The following NCAM2 variants were observed in gnomAD, a reference collection of about 807,000 sequenced individuals.
NCAM2 encodes the protein neural cell adhesion molecule 2.
NCAM2 carries 30 observed loss-of-function variants against 98.1 expected under a neutral mutation model. The observed-to-expected ratio is 0.31, with a 90% CI of 0.23 to 0.41. NCAM2 has a LOEUF of 0.41. Among genes scored for constraint, NCAM2 ranks in the 10% least tolerant of loss-of-function variants. NCAM2 has a pLI of 1.00. For missense variants in NCAM2, 867 were observed against 1,005.8 expected, an observed-to-expected ratio of 0.86 and a Z score of 1.87; for synonymous variants, 368 against 342.4, an observed-to-expected ratio of 1.07 and a Z score of -0.83.
intron 12 of NCAM2, among the ~76,000 whole-genome samples, chr21:21,457,207 G>A (rs972145633): frequency 2.0e-5 from 3 of 152,114 alleles, no homozygotes; most frequent in Admixed American, 1.3e-4. Context: ...TACATAGAAA[G>A]TCTCAGTATT....
At chr21:21,393,724 G>C (rs956666607) in intron 9 of NCAM2, among the ~76,000 whole-genome samples, 4 of 151,924 alleles carry the variant, frequency 2.6e-5, no homozygotes, top group African/African-American at 2.4e-5. Flanking sequence ...TTATGAAAGA[G>C]GTTCATTTAA....
chr21:21,192,801 T>C (rs2146971715), intron 1 of NCAM2, among the ~76,000 whole-genome samples: 1 of 152,280 alleles, frequency 6.6e-6, no homozygotes, highest in East Asian at 1.9e-4. Flanking sequence ...ACCTGCAAGT[T>C]GAGGTCAGCC....
In NCAM2 at chr21:21,224,322, C is replaced by T. The variant is rs142217326; in HGVS notation, c.56-56256C>T. 1.8e-3 allele frequency among the ~76,000 whole-genome samples: 275 copies of T among 152,212 alleles called. 2 individuals are homozygous for T. The highest frequency in any genetic ancestry group is 6.0e-3 in the African/African-American group (250 of 41,542). ...TCTGCTTCAGATGTTACTGTATTTC[C>T]ACTATGCTTAAGATGTTTTTGTTTT... On this transcript the variant is annotated intron_variant, in intron 1 of 17. Transcript: ENST00000400546.
intron 1 of NCAM2, among the ~76,000 whole-genome samples, chr21:21,202,175 C>T (rs2069249985): frequency 6.6e-6 from 1 of 152,244 alleles, no homozygotes; most frequent in East Asian, 1.9e-4. Context: ...TGTTCCTCCA[C>T]TTCCCAGTTT....
chr21:21,456,952 CTT>C (rs1982235869), intron 12 of NCAM2, among the ~76,000 whole-genome samples: 1 of 152,152 alleles, frequency 6.6e-6, no homozygotes, highest in African/African-American at 2.4e-5. Context: ...AGAAATTTCT[CTT>C]GTTTATAAGC....
At chr21:21,239,016 AT>A (rs1182761732) in intron 1 of NCAM2, among the ~76,000 whole-genome samples, 1 of 152,108 alleles carries the variant, frequency 6.6e-6, no homozygotes, top group Non-Finnish European at 1.5e-5. Flanking sequence ...AGATAAGAAT[AT>A]TTCAAAACGT....
chr21:21,054,150 C>T (rs926604709), intron 1 of NCAM2, among the ~76,000 whole-genome samples: 2 of 151,738 alleles, frequency 1.3e-5, no homozygotes, highest in African/African-American at 4.8e-5. Context: ...TTGTGCCTAC[C>T]CAGTCAACAG....
chr21:21,445,021 T>G (rs1979891077), intron 12 of NCAM2, among the ~76,000 whole-genome samples: 1 of 152,174 alleles, frequency 6.6e-6, no homozygotes, highest in Non-Finnish European at 1.5e-5. Context: ...CTAGAGATTC[T>G]GGTACTTCAT....
intron 14 of NCAM2, among the ~76,000 whole-genome samples, chr21:21,470,544 C>T (rs1224487318): frequency 6.6e-6 from 1 of 152,000 alleles, no homozygotes; most frequent in Non-Finnish European, 1.5e-5. Flanking sequence ...AATTTTGTCT[C>T]CAGTAAAGTT....
At chr21:21,523,932 C>T (rs233800) in intron 16 of NCAM2, among the ~76,000 whole-genome samples, 101,686 of 151,500 alleles carry the variant, frequency 0.67, 35,184 homozygotes, top group East Asian at 0.91. Context: ...TATATTAATC[C>T]ATTGTATCAG....
rs80174758 is a variant in NCAM2, at chr21:21,164,223, A to G, written c.56-116355A>G. Among the ~76,000 whole-genome samples, 50 of 152,290 alleles carry G rather than the reference A, an allele frequency of 3.3e-4. No homozygotes were observed. The East Asian group carries it at 8.5e-3, about 26-fold the overall frequency. On this transcript the variant is annotated intron_variant, in intron 1 of 17. Transcript: ENST00000400546. ...ACAGAATTGAAATATTTGCACTCCA[A>G]TTGTCTTGCTATGATGGAATTTTCT...
At chr21:21,496,626 A>C (rs7275250) in intron 15 of NCAM2, among the ~76,000 whole-genome samples, 35,516 of 151,900 alleles carry the variant, frequency 0.23, 4,213 homozygotes, top group South Asian at 0.31. Flanking sequence ...ATTAGGTCCC[A>C]CTTGTCTATT....
chr21:21,417,823 G>T (rs767440959), intron 10 of NCAM2, among the ~76,000 whole-genome samples: 6 of 152,002 alleles, frequency 3.9e-5, no homozygotes, highest in Non-Finnish European at 8.8e-5. Flanking sequence ...GCGAGAAAAA[G>T]TGCCTGTCTA....
At chr21:21,494,219 T>G (rs1032301715) in intron 15 of NCAM2, among the ~76,000 whole-genome samples, 1 of 151,902 alleles carries the variant, frequency 6.6e-6, no homozygotes, top group Non-Finnish European at 1.5e-5. Context: ...ATTAAACAGT[T>G]TGGACTTTCG....
intron 9 of NCAM2, chr21:21,385,820 G>T (rs960318591): frequency 2.7e-5 from 5 of 187,692 alleles, no homozygotes; most frequent in Non-Finnish European, 5.0e-5. Context: ...TCATTACATA[G>T]TAACTATTAA....
intron 8 of NCAM2, among the ~76,000 whole-genome samples, chr21:21,359,760 C>T (rs73322776): frequency 0.024 from 3,646 of 151,730 alleles, 146 homozygotes; most frequent in African/African-American, 0.084. Flanking sequence ...ATGAAGTAGT[C>T]GACTACTACA....
Position 21,537,831 on chromosome 21 carries a change from T to C in NCAM2, c.2403-15T>C. On this transcript the variant is annotated splice_polypyrimidine_tract_variant and intron_variant, in intron 17 of 17. Coordinates refer to ENST00000400546, the MANE Select transcript of NCAM2 (RefSeq NM_004540.5). ...ATACCTCAGAAAATGAAGCTTATTATTTTTTATCTTCCAGAAAATTGCCTT... is the reference window on the plus strand; with the variant it reads ...ATACCTCAGAAAATGAAGCTTATTACTTTTTATCTTCCAGAAAATTGCCTT... The C allele has an allele frequency of 7.3e-7, 1 of 1,366,632 alleles. No individual in the cohort carries two copies. The highest frequency in any genetic ancestry group is 1.0e-6 in the Non-Finnish European group (1 of 980,288). The allele number at this position is 1,366,632 out of a possible 1,614,324, so 84.7% of individuals were successfully genotyped here.
intron 1 of NCAM2, among the ~76,000 whole-genome samples, chr21:21,046,694 T>C (rs538383616): frequency 3.0e-4 from 46 of 152,318 alleles, no homozygotes; most frequent in Non-Finnish European, 5.6e-4. Context: ...GTTATGTGAC[T>C]GCATTGGTAC....
At chr21:21,471,468 A>G (rs1035268885) in intron 14 of NCAM2, among the ~76,000 whole-genome samples, 1 of 152,080 alleles carries the variant, frequency 6.6e-6, no homozygotes. Flanking sequence ...ATAAAGTGCA[A>G]CTGAATAACT....
Sources: gnomAD v4.1 joint callset for allele counts (sites outside exome capture counted in the v4.1 genomes callset) on GRCh38, gnomAD v4.1.1 for gene constraint, MANE v1.5 for transcripts, NCBI Gene and HGNC (gene_info 2026-07-23, HGNC 2026-07-21) for gene names.